The following PRELID2 variants were observed in gnomAD, a reference collection of about 807,000 sequenced individuals.
PRELID2 encodes PRELI domain containing 2.
A neutral mutation model predicts 28.4 loss-of-function variants in PRELID2; 25 were observed. The observed-to-expected ratio is 0.88, with a 90% CI of 0.64 to 1.23. The LOEUF (loss-of-function observed/expected upper bound fraction) is 1.23, where lower values mean the gene tolerates loss of function less well. PRELID2 is among the 50% of genes most tolerant of loss of function. PRELID2 has a pLI of 0.00. For synonymous variants in PRELID2, 76 were observed against 71.6 expected, an observed-to-expected ratio of 1.06 and a Z score of -0.31; for missense variants, 201 against 214.4, an observed-to-expected ratio of 0.94 and a Z score of 0.39.
chr5:145,339,413 T>C, the PRELID2 span, among the ~76,000 whole-genome samples: 1 of 152,092 alleles, frequency 6.6e-6, no homozygotes, highest in South Asian at 2.1e-4. Flanking sequence ...TTTTACAGTG[T>C]TAGCTATGAG....
chr5:145,360,699 T>C, the PRELID2 span, among the ~76,000 whole-genome samples: 1 of 152,210 alleles, frequency 6.6e-6, no homozygotes, highest in East Asian at 1.9e-4. Flanking sequence ...ATTTCCTTTT[T>C]GACTTGGATT....
At chr5:145,835,058 C>T (rs1399809099) in intron 1 of PRELID2, 119 bp downstream of exon 1, 2 of 695,680 alleles carry the variant, frequency 2.9e-6, no homozygotes, top group African/African-American at 3.7e-5. Flanking sequence ...ATCCCTGAAG[C>T]AAAGCCCGCA....
chr5:145,436,594 TTTTG>T, the PRELID2 span, among the ~76,000 whole-genome samples: 10 of 151,986 alleles, frequency 6.6e-5, no homozygotes, highest in Admixed American at 2.6e-4. Context: ...AGCATTTGTT[TTTTG>T]TTTTTGTTTT....
At chr5:145,737,901 T>C (rs1756543381) in intron 1 of PRELID2, among the ~76,000 whole-genome samples, 1 of 152,154 alleles carries the variant, frequency 6.6e-6, no homozygotes, top group Non-Finnish European at 1.5e-5. Flanking sequence ...AGCCTGGACT[T>C]ACACCCCACC....
chr5:145,249,189 T>C, the PRELID2 span, among the ~76,000 whole-genome samples: 1 of 152,304 alleles, frequency 6.6e-6, no homozygotes, highest in African/African-American at 2.4e-5. Context: ...TCTTTGCTTT[T>C]GCAACAAGCC....
chr5:145,334,509 T>C, the PRELID2 span, among the ~76,000 whole-genome samples: 2 of 152,226 alleles, frequency 1.3e-5, no homozygotes, highest in Non-Finnish European at 2.9e-5. Flanking sequence ...ACACCATCCT[T>C]ACAATATCAT....
At chr5:145,676,172 A>G (rs1178600474) in intron 1 of PRELID2, among the ~76,000 whole-genome samples, 2 of 149,248 alleles carry the variant, frequency 1.3e-5, no homozygotes, top group African/African-American at 5.0e-5. Flanking sequence ...GTGAGCCCAG[A>G]TCGCACCATT....
rs562900947 is a variant in PRELID2 at position 145,680,179 on chromosome 5, T to C, written n.70+84752A>G. On this transcript the variant is annotated intron_variant and non_coding_transcript_variant, in intron 1 of 2. Transcript: ENST00000510259. ...CATAGAGGTCCTGGTTCTGTAGAAC[T>C]GGGATGAGATTCAGAAATTTGTGTT... Among the ~76,000 whole-genome samples, 3 of 152,304 alleles carry C rather than the reference T, an allele frequency of 2.0e-5. No homozygotes were observed. In the South Asian group the frequency reaches 6.2e-4, roughly 32 times the overall value.
chr5:145,415,726 T>C, the PRELID2 span, among the ~76,000 whole-genome samples: 3 of 151,888 alleles, frequency 2.0e-5, no homozygotes, highest in African/African-American at 7.3e-5. Context: ...TTGTGAATAG[T>C]GCCACAATAA....
chr5:145,435,292 G>C, the PRELID2 span, among the ~76,000 whole-genome samples: 4 of 152,178 alleles, frequency 2.6e-5, no homozygotes, highest in Non-Finnish European at 4.4e-5. Context: ...CTTTGAGGAG[G>C]TGACACTTGA....
At chr5:145,438,268 A>G in the PRELID2 span, among the ~76,000 whole-genome samples, 1 of 152,152 alleles carries the variant, frequency 6.6e-6, no homozygotes, top group Non-Finnish European at 1.5e-5. Flanking sequence ...GGGAAAAAAT[A>G]GAAAAGAAAA....
At chr5:145,465,712 A>G in the PRELID2 span, among the ~76,000 whole-genome samples, 1 of 151,988 alleles carries the variant, frequency 6.6e-6, no homozygotes, top group Non-Finnish European at 1.5e-5. Context: ...AGTGCCAAAC[A>G]GTGAGTGAGT....
At chr5:145,338,128 A>G in the PRELID2 span, 1 of 152,208 alleles carries the variant, frequency 6.6e-6, no homozygotes. Flanking sequence ...AAGCAGTGAC[A>G]AAAATGAAGA....
intron 1 of PRELID2, among the ~76,000 whole-genome samples, chr5:145,559,432 G>A (rs1309272413): frequency 2.0e-5 from 3 of 152,036 alleles, no homozygotes; most frequent in Non-Finnish European, 4.4e-5. Flanking sequence ...AAGCTTAAAA[G>A]GCTGCAGAAC....
chr5:145,408,395 T>TTATATATATA, the PRELID2 span, among the ~76,000 whole-genome samples: 20 of 129,258 alleles, frequency 1.5e-4, no homozygotes, highest in African/African-American at 4.8e-4. Context: ...TTAAAGAAAT[T>TTATATATATA]TATATATATA....
chr5:145,614,299 C>G (rs777654353), intron 1 of PRELID2, among the ~76,000 whole-genome samples: 2 of 152,118 alleles, frequency 1.3e-5, no homozygotes, highest in African/African-American at 2.4e-5. Context: ...TTTGGCTATG[C>G]GGACTCCTTT....
chr5:145,360,259 C>T, the PRELID2 span, among the ~76,000 whole-genome samples: 969 of 152,260 alleles, frequency 6.4e-3, 8 homozygotes, highest in Non-Finnish European at 8.1e-3. Flanking sequence ...ACGTGGGCAT[C>T]CCCCAAAGAG....
intron 1 of PRELID2, among the ~76,000 whole-genome samples, chr5:145,523,669 T>G (rs1009493732): frequency 3.3e-5 from 5 of 152,102 alleles, no homozygotes; most frequent in African/African-American, 1.2e-4. Flanking sequence ...TGCTATGGTC[T>G]CCTTTAACCT....
chr5:145,742,201 T>TATAA (rs375522621), intron 1 of PRELID2, among the ~76,000 whole-genome samples: 112,729 of 134,824 alleles, frequency 0.84, 47,435 homozygotes, highest in East Asian at 0.95. Flanking sequence ...AATAATAATA[T>TATAA]ATAAATATAC....
Sources: gnomAD v4.1 joint callset for allele counts (sites outside exome capture counted in the v4.1 genomes callset) on GRCh38, gnomAD v4.1.1 for gene constraint, MANE v1.5 for transcripts, NCBI Gene and HGNC (gene_info 2026-07-23, HGNC 2026-07-21) for gene names.